BCL9: variants seen among roughly 807,000 people sequenced by gnomAD.
BCL9 encodes BCL9 transcription coactivator.
In BCL9, 25 loss-of-function variants were observed where a neutral mutation model predicts 88.5. The ratio of observed to expected loss-of-function variants is 0.28; its 90% CI spans 0.21 to 0.39. BCL9 has a LOEUF of 0.39. Among genes scored for constraint, BCL9 ranks in the 10% least tolerant of loss-of-function variants. BCL9 has a pLI of 1.00. For missense variants in BCL9, 1,817 were observed against 1,877.8 expected (o/e 0.97, Z 0.60); for synonymous variants, 711 against 673.3 (o/e 1.06, Z -0.87).
chr1:147,585,109 C>G (rs1286850348), intron 1 of BCL9, among the ~76,000 whole-genome samples: 1 of 152,110 alleles, frequency 6.6e-6, no homozygotes, highest in Non-Finnish European at 1.5e-5. Context: ...GATTTTACCA[C>G]AGAGGAGGGG....
chr1:147,585,632 C>T (rs1553199136), intron 1 of BCL9, among the ~76,000 whole-genome samples: 1 of 152,046 alleles, frequency 6.6e-6, no homozygotes, highest in East Asian at 1.9e-4. Flanking sequence ...TATAAGACAA[C>T]CTCAAAGTTA....
At chr1:147,583,250 G>C (rs1178363628) in intron 1 of BCL9, among the ~76,000 whole-genome samples, 1 of 151,888 alleles carries the variant, frequency 6.6e-6, no homozygotes, top group Non-Finnish European at 1.5e-5. Flanking sequence ...TTATTAGACT[G>C]TTTGCCTTTT....
chr1:147,592,983 G>A (rs1656909924), intron 1 of BCL9, among the ~76,000 whole-genome samples: 1 of 152,170 alleles, frequency 6.6e-6, no homozygotes, highest in East Asian at 1.9e-4. Flanking sequence ...CCCTGAAGTG[G>A]GTTTTTGAAT....
rs782269777 is a variant in BCL9 at position 147,620,515 on chromosome 1, T to C, written c.2360T>C (p.Met787Thr). ...ATGGGCCCCAGACCATTCCTTCCCATGTCTCAGGGTCCAGGCAGCAACAGT... is the reference window on the plus strand; with the variant it reads ...ATGGGCCCCAGACCATTCCTTCCCACGTCTCAGGGTCCAGGCAGCAACAGT... Reference protein sequence around the residue: ...YGMGPRPFLPMSQGPGSNSGL... With the variant: ...YGMGPRPFLPTSQGPGSNSGL... The change falls in exon 8 of 10, where the codon ATG (methionine) becomes ACG (threonine). Residue 787 changes from methionine (M) to threonine (T), a missense_variant. Around this residue, in one of 2 missense-constraint regions of BCL9, gnomAD observed 1,228 missense variants for 1,191.6 expected, o/e 1.03. Transcript: ENST00000234739. 1.9e-6 allele frequency: 3 copies of C among 1,614,142 alleles called. No homozygotes were observed. Among genetic ancestry groups the C allele is most frequent in the South Asian group, 2.2e-5 (2 of 91,078 alleles).
chr1:147,558,719 T>C (rs182441719), intron 1 of BCL9, among the ~76,000 whole-genome samples: 1 of 152,312 alleles, frequency 6.6e-6, no homozygotes, highest in Admixed American at 6.5e-5. Flanking sequence ...TCTGAGTTCC[T>C]TATAGGACAT....
intron 1 of BCL9, among the ~76,000 whole-genome samples, chr1:147,571,986 C>T (rs1405888255): frequency 6.6e-6 from 1 of 152,066 alleles, no homozygotes; most frequent in Non-Finnish European, 1.5e-5. Flanking sequence ...AATCCCAGCA[C>T]TTTGGGAGGC....
chr1:147,573,408 A>G (rs1317426198), intron 1 of BCL9, among the ~76,000 whole-genome samples: 1 of 152,186 alleles, frequency 6.6e-6, no homozygotes, highest in Non-Finnish European at 1.5e-5. Flanking sequence ...AGCTGAGATC[A>G]TGCCACTGCA....
In BCL9 at chr1:147,596,416, C is replaced by CTT. The variant is rs1267772414; in HGVS notation, c.-477-8347_-477-8346dup. On this transcript the variant is annotated intron_variant, in intron 1 of 9. Transcript: ENST00000234739. ...AGATTGACTTTCTTTTTTTTCTTTT[C>CTT]TTTTTTTTTTTTTTTGAGACGGAGT... Among the ~76,000 whole-genome samples the CTT allele has an allele frequency of 2.1e-4, 29 of 140,866 alleles. 3 individuals are homozygous for CTT. The highest frequency in any genetic ancestry group is 4.3e-4 in the Admixed American group (6 of 13,966). 92.4% of individuals were successfully genotyped at this position (140,866 alleles called of 152,430 possible).
intron 1 of BCL9, among the ~76,000 whole-genome samples, chr1:147,552,567 T>C (rs1257966214): frequency 3.3e-5 from 5 of 152,072 alleles, no homozygotes; most frequent in African/African-American, 1.2e-4. Flanking sequence ...GATCGCACCA[T>C]TGCACTCCAG....
rs782519324 is a variant in BCL9 at position 147,619,364 on chromosome 1, A to G, written c.1209A>G (p.Glu403=). The change falls in exon 8 of 10, where the codon GAA becomes GAG. Residue 403 remains glutamate, a synonymous_variant. Transcript: ENST00000234739. This position sits in a 1 kb window ranked among gnomAD's most constrained non-coding sequence, Gnocchi z 4.1. ...TAGATGGGCCTCAGAAAAAACCAGA[A>G]GGGCCAATACAGGCCATGATGGCCC... The part of the protein sequence containing the change: ...GVLDGPQKKP[E]GPIQAMMAQS... 27 of 1,613,920 alleles carry G rather than the reference A, an allele frequency of 1.7e-5. No homozygotes were observed. The highest frequency in any genetic ancestry group is 1.9e-5 in the Non-Finnish European group (22 of 1,180,028).
At chr1:147,595,673 G>A (rs1301877244) in intron 1 of BCL9, among the ~76,000 whole-genome samples, 6 of 152,056 alleles carry the variant, frequency 3.9e-5, no homozygotes, top group African/African-American at 1.4e-4. Flanking sequence ...AACATAGTGA[G>A]ACTATCTCTA....
chr1:147,572,934 T>G (rs1655948532), intron 1 of BCL9, among the ~76,000 whole-genome samples: 1 of 152,202 alleles, frequency 6.6e-6, no homozygotes, highest in Non-Finnish European at 1.5e-5. Context: ...GCTGGGGCTT[T>G]GTTCATTCAT....
rs1454935438 is a variant in BCL9 at position 147,625,640 on chromosome 1, T to A, written c.*681T>A. 3 of 229,956 alleles carry A rather than the reference T, an allele frequency of 1.3e-5. No homozygotes were observed. Among genetic ancestry groups the A allele is most frequent in the Non-Finnish European group, 1.7e-5 (2 of 115,984 alleles). 14.2% of individuals were successfully genotyped at this position (229,956 alleles called of 1,614,324 possible). On this transcript the variant is annotated 3_prime_UTR_variant, in exon 10 of 10. Transcript: ENST00000234739. ...AAATAATGACTCTTAGGACATTTGTTTTTCAGTTCAAGTGCTCTTCAGCAC... is the reference window on the plus strand; with the variant it reads ...AAATAATGACTCTTAGGACATTTGTATTTCAGTTCAAGTGCTCTTCAGCAC...
intron 1 of BCL9, among the ~76,000 whole-genome samples, chr1:147,596,402 C>CTTT (rs1437436601): frequency 4.6e-4 from 64 of 138,650 alleles, no homozygotes; most frequent in Admixed American, 2.6e-3. Flanking sequence ...GATTGACTTT[C>CTTT]TTTTTTTTCT....
At chr1:147,572,002 C>T (rs1458958995) in intron 1 of BCL9, among the ~76,000 whole-genome samples, 2 of 152,090 alleles carry the variant, frequency 1.3e-5, no homozygotes, top group East Asian at 1.9e-4. Flanking sequence ...GAGGCTGAGG[C>T]GGGCGGATCA....
chr1:147,617,489 T>C (rs1658344275), intron 7 of BCL9, among the ~76,000 whole-genome samples: 1 of 151,898 alleles, frequency 6.6e-6, no homozygotes, highest in Admixed American at 6.6e-5. Flanking sequence ...TGAAATATAC[T>C]TTTAACTGTA....
chr1:147,598,472 T>G (rs1657151551), intron 1 of BCL9, among the ~76,000 whole-genome samples: 1 of 152,188 alleles, frequency 6.6e-6, no homozygotes, highest in South Asian at 2.1e-4. Context: ...CGAAAGCAGA[T>G]CGGCTTTATC....
chr1:147,581,474 C>T (rs1407281236), intron 1 of BCL9, among the ~76,000 whole-genome samples: 1 of 152,100 alleles, frequency 6.6e-6, no homozygotes, highest in African/African-American at 2.4e-5. Flanking sequence ...CATACTTCTT[C>T]GATAATAAAA....
At chr1:147,576,461 T>G (rs902454515) in intron 1 of BCL9, among the ~76,000 whole-genome samples, 2 of 152,198 alleles carry the variant, frequency 1.3e-5, no homozygotes, top group Non-Finnish European at 2.9e-5. Context: ...TAAGCAAAGA[T>G]AAAAAGTTAT....
Sources: allele counts gnomAD v4.1 joint callset (sites outside exome capture counted in the v4.1 genomes callset), GRCh38; gene constraint gnomAD v4.1.1; regional missense constraint gnomAD v4.1.1; non-coding constraint Gnocchi (gnomAD v3.1); transcripts MANE v1.5; gene names NCBI Gene and HGNC (gene_info 2026-07-23, HGNC 2026-07-21).